Variants in ZIM2 observed in about 807,000 individuals in gnomAD.
ZIM2 encodes the protein zinc finger imprinted 2, also known as zinc finger protein 656.
Under a neutral mutation model 38.6 loss-of-function variants are expected in ZIM2, and 14 were observed. That is an observed-to-expected ratio of 0.36 (90% confidence interval 0.24 to 0.57). The LOEUF is 0.57. ZIM2 is among the 20% of genes least tolerant of loss of function. The probability of loss-of-function intolerance (pLI) is 0.81; values close to 1 mark genes in which losing one functional copy is unlikely to be tolerated. For missense variants in ZIM2, 680 were observed against 695.1 expected (o/e 0.98, Z 0.24); for synonymous variants, 247 against 245.8 (o/e 1.00, Z -0.04).
chr19:56,813,406 A>G, intron 9 of ZIM2: 1 of 1,261,002 alleles, frequency 7.9e-7, no homozygotes, highest in Non-Finnish European at 1.0e-6. Flanking sequence ...GAATACTCAT[A>G]GGGTTTTCTC....
chr19:56,831,026 A>T (rs1244105438), intron 2 of ZIM2, among the ~76,000 whole-genome samples: 1 of 152,240 alleles, frequency 6.6e-6, no homozygotes, highest in Admixed American at 6.5e-5. Flanking sequence ...TATCACATTT[A>T]AAAAGCTCCT....
chr19:56,824,134 G>T, intron 4 of ZIM2, 128 bp downstream of exon 4: 1 of 1,446,154 alleles, frequency 6.9e-7, no homozygotes, highest in Non-Finnish European at 9.3e-7. Flanking sequence ...ACAGTACACA[G>T]GACATCCCCA....
rs771097387 is a variant in ZIM2 at position 56,823,672 on chromosome 19, G to C, written c.24C>G (p.Asn8Lys). ...CGTCGTCGCTGGTCACGTCACTGTT[G>C]TTGTCGTCTAAGAGGACACCGGTCG... MYQPEDD[N>K]NSDVTSDDDM... is the part of the protein sequence containing the mutation. The change falls in exon 5 of 13, where the codon AAC becomes AAG. Residue 8 changes from asparagine to lysine, a missense_variant. Coordinates refer to ENST00000629319, the MANE Select transcript of ZIM2 (RefSeq NM_001387356.1). The C allele has an allele frequency of 3.6e-5, 58 of 1,614,034 alleles. No individual in the cohort carries two copies. The highest frequency in any genetic ancestry group is 4.7e-5 in the Non-Finnish European group (56 of 1,180,038).
chr19:56,810,483 C>T (rs907308151), intron 9 of ZIM2: 1 of 984,956 alleles, frequency 1.0e-6, no homozygotes. Context: ...GTGCACAGAT[C>T]AAGATGTTAA....
At chr19:56,809,119 C>T (rs1178928727) in intron 9 of ZIM2, among the ~76,000 whole-genome samples, 1 of 152,160 alleles carries the variant, frequency 6.6e-6, no homozygotes, top group Non-Finnish European at 1.5e-5. Flanking sequence ...TCATTCCCTT[C>T]CTTTACAGCC....
chr19:56,836,969 C>CAAA lies in ZIM2; in HGVS notation c.-313-868_-313-866dup, dbSNP rs573566620. The stretch of plus-strand genomic sequence containing the variant: ...TGGGTGAGAGGGCCAGACTCTGTCT[C>CAAA]AAAAAAAAAAAAAAAAAAAAAAAAA... On this transcript the variant is annotated intron_variant, in intron 1 of 12. Transcript: ENST00000629319. Among the ~76,000 whole-genome samples, 746 of 116,858 alleles carry CAAA rather than the reference C, an allele frequency of 6.4e-3. 25 individuals carry two copies. The highest frequency in any genetic ancestry group is 0.012 in the East Asian group (43 of 3,458). The allele number at this position is 116,858 out of a possible 152,430, so 76.7% of individuals were successfully genotyped here. A position where few individuals can be genotyped will look rare whatever the true frequency, so the allele number is the denominator to read the frequency against.
intron 10 of ZIM2, among the ~76,000 whole-genome samples, chr19:56,785,928 TTTTAAGCATA>T (rs1364779382): frequency 1.9e-4 from 29 of 152,128 alleles, no homozygotes; most frequent in African/African-American, 6.8e-4. Context: ...TTTAATGAGT[TTTTAAGCATA>T]TTCACAGAGT....
intron 9 of ZIM2, among the ~76,000 whole-genome samples, chr19:56,792,514 G>C: frequency 9.2e-6 from 1 of 108,964 alleles, no homozygotes; most frequent in Non-Finnish European, 1.7e-5. Context: ...CTGGGCGACA[G>C]AGCAAGACTC....
chr19:56,817,259 G>T (rs754821615), intron 9 of ZIM2: 2 of 1,614,114 alleles, frequency 1.2e-6, no homozygotes, highest in South Asian at 2.2e-5. Flanking sequence ...GTGTCAAAAT[G>T]ATAGCGCCTC....
intron 1 of ZIM2, among the ~76,000 whole-genome samples, chr19:56,838,522 G>T (rs2062483362): frequency 6.6e-6 from 1 of 152,000 alleles, no homozygotes; most frequent in Non-Finnish European, 1.5e-5. Context: ...CCACTAAGCC[G>T]CCCCCATACA....
At chr19:56,821,319 T>G (rs963657768) in intron 7 of ZIM2, among the ~76,000 whole-genome samples, 2 of 152,198 alleles carry the variant, frequency 1.3e-5, no homozygotes, top group Non-Finnish European at 2.9e-5. Flanking sequence ...GACCCACAGC[T>G]TTCCTGGCTC....
Position 56,822,790 on chromosome 19 carries a change from T to G in ZIM2, c.153A>C (p.Pro51=). Residue 51 remains proline (P), a synonymous_variant, in exon 6 of 13, where the codon CCA becomes CCC. Transcript: ENST00000629319. Reference sequence around the variant, plus strand: ...TCCTGGTGTGGGACCAGCGGTCTCGTGGCTCCATGTCTCTGCTTCTGCCCC... The same window carrying G: ...TCCTGGTGTGGGACCAGCGGTCTCGGGGCTCCATGTCTCTGCTTCTGCCCC... ...DRRGRSRDME[P]RDRWSHTRNP... is the part of the protein sequence containing the mutation. 1.2e-6 allele frequency: 2 copies of G among 1,614,160 alleles called. No individual in the cohort carries two copies. The highest frequency in any genetic ancestry group is 1.7e-6 in the Non-Finnish European group (2 of 1,180,032).
At chr19:56,778,550 T>C (rs1278323749) in intron 12 of ZIM2, among the ~76,000 whole-genome samples, 9 of 152,216 alleles carry the variant, frequency 5.9e-5, no homozygotes, top group Admixed American at 5.9e-4. Context: ...CACCAGCTCT[T>C]TCTTGCTCCT....
At chr19:56,811,694 T>C in intron 9 of ZIM2, 1 of 985,554 alleles carries the variant, frequency 1.0e-6, no homozygotes, top group Non-Finnish European at 1.2e-6. Context: ...TCCCATGTAG[T>C]AAACCTCACT....
Position 56,775,048 on chromosome 19 carries a change from C to T in ZIM2, c.1317G>A (p.Gln439=), listed in dbSNP as rs138544069. ...NLCERVRIHS[Q]EDYFECFQCG... ...ACTGAAAACATTCAAAGTAGTCCTCCTGACTGTGAATTCTTACACGTTCAC... is the reference window on the plus strand; with the variant it reads ...ACTGAAAACATTCAAAGTAGTCCTCTTGACTGTGAATTCTTACACGTTCAC... Residue 439 remains glutamine, a synonymous_variant, in exon 13 of 13, where the codon CAG becomes CAA. Transcript: ENST00000629319. 1,059 of 1,614,010 alleles carry T rather than the reference C, an allele frequency of 6.6e-4. No homozygotes were observed. Among genetic ancestry groups the T allele is most frequent in the Non-Finnish European group, 8.5e-4 (1,003 of 1,180,022 alleles).
Position 56,814,040 on chromosome 19 carries a change from G to T in ZIM2, c.490+3706C>A. 1 of 1,614,032 alleles carries T rather than the reference G, an allele frequency of 6.2e-7. No individual in the cohort carries two copies. The highest frequency in any genetic ancestry group is 2.2e-5 in the East Asian group (1 of 44,864). Reference sequence around the variant, plus strand: ...TCTGGCTCTTCAGCTTTTCCCTCTGGCTCTTCAGCTCTTTCTTCTGGGTCT... The same window carrying T: ...TCTGGCTCTTCAGCTTTTCCCTCTGTCTCTTCAGCTCTTTCTTCTGGGTCT... On this transcript the variant is annotated intron_variant, in intron 9 of 12. Coordinates refer to ENST00000629319, the MANE Select transcript of ZIM2 (RefSeq NM_001387356.1). This position sits in a 1 kb window ranked among gnomAD's most constrained non-coding sequence, Gnocchi z 5.8.
intron 7 of ZIM2, 27 bp downstream of exon 7, chr19:56,821,624 C>G: frequency 6.2e-7 from 1 of 1,611,834 alleles, no homozygotes; most frequent in African/African-American, 1.3e-5. Flanking sequence ...GATGGCCTTT[C>G]TAGAAAGAGA....
intron 1 of ZIM2, among the ~76,000 whole-genome samples, chr19:56,840,033 G>C (rs560646957): frequency 6.6e-6 from 1 of 152,174 alleles, no homozygotes; most frequent in African/African-American, 2.4e-5. Context: ...AACAAGCCCC[G>C]CCCCCAGAGG....
rs778895175 is a variant in ZIM2, at chr19:56,815,225, T to C, written c.490+2521A>G. The C allele has an allele frequency of 3.7e-5, 60 of 1,613,926 alleles. No homozygotes were observed. The highest frequency in any genetic ancestry group is 4.7e-5 in the Non-Finnish European group (56 of 1,179,938). On this transcript the variant is annotated intron_variant, in intron 9 of 12. Transcript: ENST00000629319. ...TGACCATGGGTCTCCTCGCTGTGGG[T>C]CTCCTCCCCATCAGTATTCTCGCCT...
Sources: gnomAD v4.1 joint callset for allele counts (sites outside exome capture counted in the v4.1 genomes callset) on GRCh38, gnomAD v4.1.1 for gene constraint, Gnocchi (gnomAD v3.1) non-coding constraint, MANE v1.5 for transcripts, NCBI Gene and HGNC (gene_info 2026-07-23, HGNC 2026-07-21) for gene names.